The following GRIK1 variants were observed in gnomAD, a reference collection of about 807,000 sequenced individuals.
The protein encoded by GRIK1 is glutamate receptor ionotropic, kainate 1.
In GRIK1, 69 loss-of-function variants were observed where a neutral mutation model predicts 105.7. That is an observed-to-expected ratio of 0.65 (90% confidence interval 0.54 to 0.80). GRIK1 has a LOEUF of 0.80. Among genes scored for constraint, GRIK1 ranks in the 30% least tolerant of loss-of-function variants. The pLI, the probability that GRIK1 is intolerant of heterozygous loss-of-function variation, is 0.00. For synonymous variants in GRIK1, 438 were observed against 431.3 expected (o/e 1.02, Z -0.19); for missense variants, 1,109 against 1,167.3 (o/e 0.95, Z 0.73).
intron 1 of GRIK1, among the ~76,000 whole-genome samples, chr21:29,770,061 T>C (rs1440997658): frequency 2.6e-5 from 4 of 152,226 alleles, no homozygotes; most frequent in African/African-American, 9.6e-5. Flanking sequence ...TGCTATTCTA[T>C]AGTCCTTCCC....
rs1044754034 is a variant in GRIK1, at chr21:29,615,104, C to T, written c.1099-16167G>A. On this transcript the variant is annotated intron_variant, in intron 7 of 17. Coordinates refer to ENST00000327783, the MANE Select transcript of GRIK1 (RefSeq NM_001330994.2). ...TGTCACCTCCTCTCCGAAGCTGTTCCGAACCCTTTTGGATGGAATGCATAG... is the reference window on the plus strand; with the variant it reads ...TGTCACCTCCTCTCCGAAGCTGTTCTGAACCCTTTTGGATGGAATGCATAG... 1.5e-4 allele frequency among the ~76,000 whole-genome samples: 23 copies of T among 151,680 alleles called. 1 individual carries two copies. Among genetic ancestry groups the T allele is most frequent in the African/African-American group, 4.4e-4 (18 of 40,998 alleles).
intron 4 of GRIK1, among the ~76,000 whole-genome samples, chr21:29,655,543 T>C (rs1402382412): frequency 6.6e-6 from 1 of 152,226 alleles, no homozygotes; most frequent in Non-Finnish European, 1.5e-5. Context: ...TTGATCTCCC[T>C]ACTTACGACT....
intron 1 of GRIK1, chr21:29,760,053 C>T (rs2065466847): frequency 6.6e-6 from 1 of 152,104 alleles, no homozygotes; most frequent in Non-Finnish European, 1.5e-5. Context: ...AAGATTTGTT[C>T]TTCTGTTTAT....
chr21:29,802,877 C>A, intron 1 of GRIK1, among the ~76,000 whole-genome samples: 1 of 152,120 alleles, frequency 6.6e-6, no homozygotes, highest in Non-Finnish European at 1.5e-5. Context: ...ATATGACTCA[C>A]AATACGTTGC....
chr21:29,715,322 C>T (rs937685420), intron 1 of GRIK1, among the ~76,000 whole-genome samples: 4 of 152,106 alleles, frequency 2.6e-5, no homozygotes, highest in Non-Finnish European at 4.4e-5. Flanking sequence ...CAAGGCAGCT[C>T]AAGGTGGAAA....
chr21:29,922,277 C>T (rs1230753237), intron 1 of GRIK1, among the ~76,000 whole-genome samples: 1 of 152,058 alleles, frequency 6.6e-6, no homozygotes, highest in Non-Finnish European at 1.5e-5. Flanking sequence ...TAAAGAATAT[C>T]TGAATTTTTA....
At chr21:29,562,093 G>A (rs1272259466) in intron 14 of GRIK1, among the ~76,000 whole-genome samples, 1 of 152,156 alleles carries the variant, frequency 6.6e-6, no homozygotes, top group Admixed American at 6.5e-5. Flanking sequence ...AAGCCATTGT[G>A]GCCCACTGGG....
At chr21:29,725,270 A>G (rs535501073) in intron 1 of GRIK1, among the ~76,000 whole-genome samples, 47 of 152,304 alleles carry the variant, frequency 3.1e-4, no homozygotes, top group African/African-American at 1.1e-3. Context: ...TAGTAAGTAA[A>G]CATTGGAGAG....
intron 1 of GRIK1, among the ~76,000 whole-genome samples, chr21:29,873,644 T>A (rs1225704588): frequency 6.6e-6 from 1 of 152,238 alleles, no homozygotes; most frequent in Non-Finnish European, 1.5e-5. Context: ...TTATGAAGCA[T>A]CTAGCAGGAC....
intron 3 of GRIK1, among the ~76,000 whole-genome samples, chr21:29,679,196 C>T (rs2146670498): frequency 6.6e-6 from 1 of 152,222 alleles, no homozygotes; most frequent in Non-Finnish European, 1.5e-5. Flanking sequence ...TTTTTTCAAT[C>T]ACTGCCACTG....
chr21:29,622,721 C>T (rs923427163), intron 7 of GRIK1, among the ~76,000 whole-genome samples: 2 of 152,190 alleles, frequency 1.3e-5, no homozygotes, highest in African/African-American at 4.8e-5. Context: ...CTAGTTTCTT[C>T]CTCTGTCTTA....
At chr21:29,805,733 C>T (rs1171531196) in intron 1 of GRIK1, among the ~76,000 whole-genome samples, 1 of 152,138 alleles carries the variant, frequency 6.6e-6, no homozygotes, top group Non-Finnish European at 1.5e-5. Flanking sequence ...GCAGACATTG[C>T]TAGTCAGCCA....
At chr21:29,830,602 G>A (rs2067604787) in intron 1 of GRIK1, among the ~76,000 whole-genome samples, 1 of 152,028 alleles carries the variant, frequency 6.6e-6, no homozygotes, top group Admixed American at 6.6e-5. Flanking sequence ...TATAACCACA[G>A]CATGTATTTA....
chr21:29,708,958 G>A (rs946399975), intron 1 of GRIK1, among the ~76,000 whole-genome samples: 2 of 151,956 alleles, frequency 1.3e-5, no homozygotes, highest in Non-Finnish European at 2.9e-5. Context: ...TCATAATTTA[G>A]TTCATTTAAT....
intron 1 of GRIK1, among the ~76,000 whole-genome samples, chr21:29,880,998 A>T (rs1375864814): frequency 6.6e-6 from 1 of 152,160 alleles, no homozygotes; most frequent in African/African-American, 2.4e-5. Flanking sequence ...ACACCAATGT[A>T]ATTTGTTTTG....
intron 7 of GRIK1, among the ~76,000 whole-genome samples, chr21:29,608,384 C>T (rs2061664350): frequency 6.6e-6 from 1 of 151,940 alleles, no homozygotes. Context: ...TTTTATTTAC[C>T]TCGGAGTATA....
Position 29,800,173 on chromosome 21 carries a change from G to T in GRIK1, c.119-106110C>A, listed in dbSNP as rs1420072675. On this transcript the variant is annotated intron_variant, in intron 1 of 17. Transcript: ENST00000327783. Reference sequence around the variant, plus strand: ...TCTGGATCACAAAAATGAAATACACGATCTGGCTTTCTTAAAGCCTACATA... The same window carrying T: ...TCTGGATCACAAAAATGAAATACACTATCTGGCTTTCTTAAAGCCTACATA... Among the ~76,000 whole-genome samples the T allele has an allele frequency of 3.3e-5, 5 of 152,210 alleles. No individual in the cohort carries two copies. The East Asian group carries it at 7.7e-4, about 24-fold the overall frequency.
At chr21:29,749,469 A>G (rs1359119938) in intron 1 of GRIK1, among the ~76,000 whole-genome samples, 1 of 152,230 alleles carries the variant, frequency 6.6e-6, no homozygotes, top group East Asian at 1.9e-4. Context: ...GCTCTCTGTT[A>G]CTTCTTTGGG....
intron 4 of GRIK1, among the ~76,000 whole-genome samples, chr21:29,668,741 T>C (rs552924428): frequency 1.3e-5 from 2 of 152,324 alleles, no homozygotes; most frequent in African/African-American, 4.8e-5. Context: ...TTCTTGCCCT[T>C]TGCTTCATTC....
Sources: gnomAD v4.1 joint callset for allele counts (sites outside exome capture counted in the v4.1 genomes callset) on GRCh38, gnomAD v4.1.1 for gene constraint, MANE v1.5 for transcripts, NCBI Gene and HGNC (gene_info 2026-07-23, HGNC 2026-07-21) for gene names.